Variants in FERMT1 observed in about 807,000 individuals in gnomAD.
FERMT1 encodes the protein FERM domain containing kindlin 1.
In FERMT1, 60 loss-of-function variants were observed where a neutral mutation model predicts 85.3. That is an observed-to-expected ratio of 0.70 (90% CI 0.57 to 0.87). FERMT1 has a LOEUF of 0.87. Among genes scored for constraint, FERMT1 ranks in the 40% least tolerant of loss-of-function variants. The probability of loss-of-function intolerance (pLI) is 0.00; values close to 1 mark genes in which losing one functional copy is unlikely to be tolerated. For synonymous variants in FERMT1, 275 were observed against 301.1 expected (o/e 0.91, Z 0.90); for missense variants, 701 against 818.9 (o/e 0.86, Z 1.76).
intron 8 of FERMT1, 90 bp downstream of exon 8, chr20:6,096,812 T>C: frequency 1.2e-6 from 1 of 837,342 alleles, no homozygotes; most frequent in Non-Finnish European, 1.8e-6. Flanking sequence ...CAAAATCAGA[T>C]GAAATATTCT....
rs181825106 is a variant in FERMT1, at chr20:6,120,032, G to A, written c.-18-460C>T. 3.3e-5 allele frequency among the ~76,000 whole-genome samples: 5 copies of A among 152,098 alleles called. No individual in the cohort carries two copies. In the East Asian group the frequency reaches 7.7e-4, roughly 23 times the overall value. ...TATAGTTCAACATATTTTGTTGTAT[G>A]CAAATTATACTTCAATAAAGTTGAT... On this transcript the variant is annotated intron_variant, in intron 1 of 14. Transcript: ENST00000217289.
chr20:6,097,765 C>T, intron 6 of FERMT1, 134 bp from the exon 7 acceptor site: 1 of 727,580 alleles, frequency 1.4e-6, no homozygotes, highest in Non-Finnish European at 2.5e-6. Context: ...GAAAGGAATA[C>T]TTCTATTGTG....
At chr20:6,084,291 A>G in intron 12 of FERMT1, 127 bp from the exon 13 acceptor site, 1 of 975,690 alleles carries the variant, frequency 1.0e-6, no homozygotes, top group East Asian at 2.6e-5. Context: ...AAGACAATCC[A>G]TTCTCATCCA....
At position 6,089,099 on chromosome 20, in the gene FERMT1, C is replaced by A; in HGVS notation, c.1140-10G>T. On this transcript the variant is annotated splice_polypyrimidine_tract_variant and intron_variant, in intron 9 of 14. Transcript: ENST00000217289. ...TAGTAACTTCTTGGGCCTGCAAATT[C>A]AAAGATAGTGAATGTTTAAACCACC... 4 of 1,610,028 alleles carry A rather than the reference C, an allele frequency of 2.5e-6. No homozygotes were observed. Among genetic ancestry groups the A allele is most frequent in the Non-Finnish European group, 3.4e-6 (4 of 1,177,336 alleles).
chr20:6,084,765 C>T (rs1024667772), intron 12 of FERMT1, among the ~76,000 whole-genome samples: 10 of 151,424 alleles, frequency 6.6e-5, no homozygotes, highest in Admixed American at 6.6e-4. Flanking sequence ...GCAGTCTCAG[C>T]TCACTGCAGC....
chr20:6,106,569 C>T (rs943571784), intron 6 of FERMT1, among the ~76,000 whole-genome samples: 4 of 152,146 alleles, frequency 2.6e-5, no homozygotes, highest in African/African-American at 7.2e-5. Flanking sequence ...TTTATATCGT[C>T]GACACTGGGC....
At chr20:6,112,744 T>C (rs1381471569) in intron 3 of FERMT1, 121 bp from the exon 4 acceptor site, 1 of 660,156 alleles carries the variant, frequency 1.5e-6, no homozygotes, top group Non-Finnish European at 2.4e-6. Flanking sequence ...TAAATGGGAC[T>C]AAACTGCATC....
chr20:6,119,693 ACT>A (rs1405445533), intron 1 of FERMT1, 121 bp from the exon 2 acceptor site: 2 of 769,174 alleles, frequency 2.6e-6, no homozygotes, highest in African/African-American at 3.5e-5. Context: ...TCTTCAAAAC[ACT>A]CTGCAAGGTT....
chr20:6,110,914 G>A (rs73074379), intron 4 of FERMT1, among the ~76,000 whole-genome samples: 5,425 of 152,216 alleles, frequency 0.036, 127 homozygotes, highest in South Asian at 0.072. Flanking sequence ...AATCAACAGG[G>A]ACAAACATTG....
chr20:6,083,775 T>C (rs1487543604), intron 13 of FERMT1, among the ~76,000 whole-genome samples: 1 of 151,954 alleles, frequency 6.6e-6, no homozygotes, highest in Non-Finnish European at 1.5e-5. Context: ...CCCTCTGGTT[T>C]TGGAAATGTA....
intron 13 of FERMT1, among the ~76,000 whole-genome samples, chr20:6,079,831 A>G (rs938682835): frequency 6.6e-6 from 1 of 152,230 alleles, no homozygotes; most frequent in African/African-American, 2.4e-5. Flanking sequence ...ATGGAATCAA[A>G]TAAATTCATT....
At chr20:6,098,524 A>G (rs1982569580) in intron 6 of FERMT1, among the ~76,000 whole-genome samples, 2 of 151,832 alleles carry the variant, frequency 1.3e-5, no homozygotes, top group Non-Finnish European at 2.9e-5. Context: ...GTATCAATAA[A>G]GCCTTATCTA....
At chr20:6,083,253 C>T (rs1424951903) in intron 13 of FERMT1, among the ~76,000 whole-genome samples, 9 of 152,030 alleles carry the variant, frequency 5.9e-5, no homozygotes, top group Non-Finnish European at 1.0e-4. Flanking sequence ...TAGTGCTAGG[C>T]GGGGATAACA....
At chr20:6,122,281 G>A (rs1003434254) in intron 1 of FERMT1, among the ~76,000 whole-genome samples, 5 of 152,214 alleles carry the variant, frequency 3.3e-5, no homozygotes, top group Admixed American at 2.6e-4. Context: ...AAGGATAGCA[G>A]CAAACTTCAG....
chr20:6,084,997 A>C, intron 12 of FERMT1, 69 bp downstream of exon 12: 1 of 1,469,918 alleles, frequency 6.8e-7, no homozygotes, highest in Non-Finnish European at 9.5e-7. Flanking sequence ...CCAGCCGGAA[A>C]TCCTCCTTTT....
chr20:6,099,507 A>G (rs1056190985), intron 6 of FERMT1, among the ~76,000 whole-genome samples: 29 of 152,250 alleles, frequency 1.9e-4, no homozygotes, highest in African/African-American at 9.6e-5. Context: ...AAAAACAAAT[A>G]CTGGATGACT....
chr20:6,097,803 GTT>G, intron 6 of FERMT1, among the ~76,000 whole-genome samples, 172 bp from the exon 7 acceptor site: 1 of 145,000 alleles, frequency 6.9e-6, no homozygotes, highest in African/African-American at 2.5e-5. Flanking sequence ...TTTTTTTAAA[GTT>G]TTTTTTTTTT....
At chr20:6,077,509 A>G (rs1981862245) in intron 14 of FERMT1, among the ~76,000 whole-genome samples, 163 bp from the exon 15 acceptor site, 1 of 152,122 alleles carries the variant, frequency 6.6e-6, no homozygotes, top group East Asian at 1.9e-4. Flanking sequence ...AAACGCTTCC[A>G]GAAAACATCT....
chr20:6,082,469 CA>C (rs1342278217), intron 13 of FERMT1, among the ~76,000 whole-genome samples: 1 of 152,160 alleles, frequency 6.6e-6, no homozygotes, highest in Non-Finnish European at 1.5e-5. Context: ...TTCAGGGTTA[CA>C]GGTGAGTGTG....
Sources: allele counts gnomAD v4.1 joint callset (sites outside exome capture counted in the v4.1 genomes callset), GRCh38; gene constraint gnomAD v4.1.1; transcripts MANE v1.5; gene names NCBI Gene and HGNC (gene_info 2026-07-23, HGNC 2026-07-21).